The following FAM13C variants were observed in gnomAD, a reference collection of about 807,000 sequenced individuals.
FAM13C encodes the protein protein FAM13C.
FAM13C carries 37 observed loss-of-function variants against 73.2 expected under a neutral mutation model. The observed-to-expected ratio is 0.51, with a 90% CI of 0.39 to 0.67. FAM13C has a LOEUF of 0.67. FAM13C is among the 30% of genes least tolerant of loss of function. The pLI, the probability that FAM13C is intolerant of heterozygous loss-of-function variation, is 0.00. For synonymous variants in FAM13C, 246 were observed against 260.9 expected (o/e 0.94, Z 0.55); for missense variants, 589 against 715.6 (o/e 0.82, Z 2.02).
At chr10:59,329,250 G>C (rs1310064093) in intron 3 of FAM13C, among the ~76,000 whole-genome samples, 3 of 151,426 alleles carry the variant, frequency 2.0e-5, no homozygotes, top group Non-Finnish European at 2.9e-5. Context: ...ATAAATCATG[G>C]GAAAACGCAG....
chr10:59,276,679 G>T (rs284621), intron 6 of FAM13C, among the ~76,000 whole-genome samples: 114,029 of 152,064 alleles, frequency 0.75, 44,783 homozygotes, highest in East Asian at 0.9. Context: ...TCCAATCCTT[G>T]TAAGTGCATC....
chr10:59,279,787 G>T (rs2133655045), intron 6 of FAM13C, among the ~76,000 whole-genome samples: 1 of 152,330 alleles, frequency 6.6e-6, no homozygotes, highest in South Asian at 2.1e-4. Context: ...AGCCTATTAT[G>T]TGGGTTTCTG....
At chr10:59,355,267 A>C (rs1855562582) in intron 2 of FAM13C, among the ~76,000 whole-genome samples, 1 of 152,030 alleles carries the variant, frequency 6.6e-6, no homozygotes, top group Non-Finnish European at 1.5e-5. Flanking sequence ...CTTGCCCACA[A>C]AATTGGCCTT....
intron 6 of FAM13C, among the ~76,000 whole-genome samples, chr10:59,283,060 T>C (rs2133689048): frequency 6.6e-6 from 1 of 152,314 alleles, no homozygotes; most frequent in South Asian, 2.1e-4. Context: ...CACTCATTTG[T>C]CCCAGGAGAC....
chr10:59,298,972 T>G (rs1461006568), intron 5 of FAM13C, among the ~76,000 whole-genome samples: 1 of 151,904 alleles, frequency 6.6e-6, no homozygotes, highest in African/African-American at 2.4e-5. Flanking sequence ...AGGAAGGAGG[T>G]GGACAGGGAA....
chr10:59,343,976 T>C (rs898493641), intron 3 of FAM13C, among the ~76,000 whole-genome samples: 3 of 151,456 alleles, frequency 2.0e-5, no homozygotes, highest in South Asian at 4.2e-4. Flanking sequence ...TTCTTTTTTT[T>C]TTTGAGATGG....
chr10:59,283,225 A>C, intron 6 of FAM13C, 138 bp downstream of exon 6: 1 of 843,936 alleles, frequency 1.2e-6, no homozygotes, highest in Non-Finnish European at 1.9e-6. Context: ...ACTCCTGGGC[A>C]ACTCAGAAGC....
chr10:59,301,744 AC>A (rs1847628694), intron 5 of FAM13C, among the ~76,000 whole-genome samples: 1 of 152,086 alleles, frequency 6.6e-6, no homozygotes, highest in Non-Finnish European at 1.5e-5. Flanking sequence ...TTCACTCACT[AC>A]TATGAGGAAG....
At chr10:59,254,859 C>G (rs113037054) in intron 10 of FAM13C, among the ~76,000 whole-genome samples, 4,981 of 152,146 alleles carry the variant, frequency 0.033, 114 homozygotes, top group Non-Finnish European at 0.052. Flanking sequence ...CCTGCCTCGG[C>G]CCCCAGTTAC....
chr10:59,305,234 A>C (rs2133886480), intron 4 of FAM13C, among the ~76,000 whole-genome samples: 1 of 152,350 alleles, frequency 6.6e-6, no homozygotes, highest in South Asian at 2.1e-4. Flanking sequence ...TAGCTTACAA[A>C]CAAAAACAAA....
At chr10:59,302,958 G>T in intron 4 of FAM13C, 94 bp from the exon 5 acceptor site, 1 of 1,094,726 alleles carries the variant, frequency 9.1e-7, no homozygotes, top group Non-Finnish European at 1.4e-6. Flanking sequence ...CTGTACCCCT[G>T]ATAAAAACCC....
intron 4 of FAM13C, among the ~76,000 whole-genome samples, 177 bp from the exon 5 acceptor site, chr10:59,303,041 G>C (rs1333333648): frequency 6.6e-6 from 1 of 152,084 alleles, no homozygotes; most frequent in Admixed American, 6.5e-5. Context: ...TATAGCACTT[G>C]AACCCTGACA....
chr10:59,362,930 T>G (rs1589755481), upstream of FAM13C: 2 of 156,964 alleles, frequency 1.3e-5, no homozygotes, highest in Non-Finnish European at 1.3e-5. Context: ...CCCCCCACAC[T>G]CCCACCCCAC....
chr10:59,270,110 C>T lies in FAM13C; in HGVS notation c.593-1G>A. ...CCATCTTTGTGGACTGGTGAGGGGT[C>T]TGGGCAAATGAGACAAATCATCAAG... is the stretch of plus-strand genomic sequence containing the variant. On this transcript the variant is annotated splice_acceptor_variant, in intron 6 of 13. Transcript: ENST00000618804. LOFTEE classifies it high-confidence loss of function. 1 of 1,612,064 alleles carries T rather than the reference C, an allele frequency of 6.2e-7. No individual in the cohort carries two copies. Among genetic ancestry groups the T allele is most frequent in the African/African-American group, 1.3e-5 (1 of 74,970 alleles).
chr10:59,342,436 C>T (rs1467571214), intron 3 of FAM13C, among the ~76,000 whole-genome samples: 1 of 151,850 alleles, frequency 6.6e-6, no homozygotes, highest in African/African-American at 2.4e-5. Flanking sequence ...GGAGAAGGTG[C>T]GTTTGATTAA....
intron 4 of FAM13C, among the ~76,000 whole-genome samples, chr10:59,305,607 T>C (rs753481687): frequency 1.1e-4 from 16 of 151,328 alleles, no homozygotes; most frequent in Non-Finnish European, 1.9e-4. Context: ...CTAACTTCTT[T>C]AAAATATTCT....
chr10:59,305,524 C>T (rs1456497550), intron 4 of FAM13C, among the ~76,000 whole-genome samples: 1 of 152,128 alleles, frequency 6.6e-6, no homozygotes, highest in African/African-American at 2.4e-5. Flanking sequence ...CTGAAGAAAG[C>T]ATATATGTCC....
chr10:59,260,213 T>C (rs1308041462), intron 10 of FAM13C, among the ~76,000 whole-genome samples: 1 of 152,170 alleles, frequency 6.6e-6, no homozygotes, highest in Admixed American at 6.6e-5. Flanking sequence ...CCATCTCCCC[T>C]TTTCATTCTT....
At chr10:59,252,026 A>G (rs531124275) in intron 12 of FAM13C, among the ~76,000 whole-genome samples, 3 of 152,332 alleles carry the variant, frequency 2.0e-5, no homozygotes, top group African/African-American at 7.2e-5. Context: ...TAGACTGAAC[A>G]TAAGAGATAC....
Sources: gnomAD v4.1 joint callset for allele counts (sites outside exome capture counted in the v4.1 genomes callset) on GRCh38, gnomAD v4.1.1 for gene constraint, MANE v1.5 for transcripts, NCBI Gene and HGNC (gene_info 2026-07-23, HGNC 2026-07-21) for gene names.